Variants in ADCY1 observed in about 807,000 individuals in gnomAD.
ADCY1 encodes the protein adenylate cyclase 1, also known as adenylate cyclase type 1.
ADCY1 carries 28 observed loss-of-function variants against 105.4 expected under a neutral mutation model. That is an observed-to-expected ratio of 0.27 (90% CI 0.20 to 0.36). The LOEUF (loss-of-function observed/expected upper bound fraction) is 0.36, where lower values mean the gene tolerates loss of function less well. Among genes scored for constraint, ADCY1 ranks in the 10% least tolerant of loss-of-function variants. The pLI, the probability that ADCY1 is intolerant of heterozygous loss-of-function variation, is 1.00. For missense variants in ADCY1, 977 were observed against 1,434.2 expected, an observed-to-expected ratio of 0.68 and a Z score of 5.15; for synonymous variants, 655 against 623.8, an observed-to-expected ratio of 1.05 and a Z score of -0.75.
intron 6 of ADCY1, among the ~76,000 whole-genome samples, chr7:45,658,133 G>A (rs986511915): frequency 6.6e-6 from 1 of 152,218 alleles, no homozygotes; most frequent in Non-Finnish European, 1.5e-5. Context: ...GCTGTCATTG[G>A]ACCAGAAGGC....
At chr7:45,655,595 G>A (rs929036106) in intron 5 of ADCY1, among the ~76,000 whole-genome samples, 3 of 152,186 alleles carry the variant, frequency 2.0e-5, no homozygotes, top group Non-Finnish European at 4.4e-5. Flanking sequence ...TTCAGTTAAC[G>A]GCAGATCTGA....
At chr7:45,640,712 G>A (rs1050254395) in intron 4 of ADCY1, among the ~76,000 whole-genome samples, 9 of 152,138 alleles carry the variant, frequency 5.9e-5, no homozygotes, top group African/African-American at 2.2e-4. Flanking sequence ...AGGGACATAT[G>A]TTAAGATGTT....
At position 45,688,184 on chromosome 7, in the gene ADCY1, C is replaced by T. The variant is rs151042698; in HGVS notation, c.2454+1511C>T. Among the ~76,000 whole-genome samples, 248 of 152,360 alleles carry T rather than the reference C, an allele frequency of 1.6e-3. 1 individual carries two copies. Among genetic ancestry groups the T allele is most frequent in the African/African-American group, 5.4e-3 (224 of 41,590 alleles). On this transcript the variant is annotated intron_variant, in intron 14 of 19. Coordinates refer to ENST00000297323, the MANE Select transcript of ADCY1 (RefSeq NM_021116.4). Reference sequence around the variant, plus strand: ...TGGTCCTCGTCCTGAATTCCAGCAACTCCATGTAGGGTCTGCATGACTTCA... The same window carrying T: ...TGGTCCTCGTCCTGAATTCCAGCAATTCCATGTAGGGTCTGCATGACTTCA...
At chr7:45,643,000 T>C (rs1285293239) in intron 4 of ADCY1, among the ~76,000 whole-genome samples, 1 of 152,224 alleles carries the variant, frequency 6.6e-6, no homozygotes, top group African/African-American at 2.4e-5. Flanking sequence ...TATGAAGTCA[T>C]GGATTTTTAA....
intron 2 of ADCY1, among the ~76,000 whole-genome samples, chr7:45,607,348 C>T (rs565590267): frequency 6.6e-6 from 1 of 152,268 alleles, no homozygotes; most frequent in South Asian, 2.1e-4. Context: ...CCTTCATCCT[C>T]CTAAACCAAG....
intron 4 of ADCY1, among the ~76,000 whole-genome samples, chr7:45,638,228 A>G (rs1479318171): frequency 1.3e-5 from 2 of 152,180 alleles, no homozygotes; most frequent in African/African-American, 4.8e-5. Context: ...CACATGTATT[A>G]GGGAGTTCCA....
intron 5 of ADCY1, 117 bp downstream of exon 5, chr7:45,648,914 G>T: frequency 7.8e-7 from 1 of 1,287,160 alleles, no homozygotes; most frequent in Non-Finnish European, 1.1e-6. Flanking sequence ...GCTTTGTCCT[G>T]ATGGGTCTGT....
rs578029702 is a variant in ADCY1 at position 45,648,293 on chromosome 7, G to A, written c.1021-377G>A. ...GGCTGTCCGTGATGGTCTGCATGGC[G>A]GTTAAGGGAGGTGCCGTGGGAATAA... is the stretch of plus-strand genomic sequence containing the variant. On this transcript the variant is annotated intron_variant, in intron 4 of 19. Transcript: ENST00000297323. Among the ~76,000 whole-genome samples the A allele has an allele frequency of 9.8e-5, 15 of 152,348 alleles. No individual in the cohort carries two copies. The East Asian group carries it at 1.3e-3, about 14-fold the overall frequency.
chr7:45,674,615 A>G (rs1024207396), intron 8 of ADCY1, among the ~76,000 whole-genome samples: 3 of 151,882 alleles, frequency 2.0e-5, no homozygotes, highest in Admixed American at 2.0e-4. Context: ...TTCGTGATCC[A>G]CCCCACTTGG....
chr7:45,637,271 T>C (rs966476819), intron 4 of ADCY1, among the ~76,000 whole-genome samples: 26 of 152,246 alleles, frequency 1.7e-4, no homozygotes, highest in Non-Finnish European at 2.9e-5. Context: ...CTTTTTCTAG[T>C]GTTATAAACT....
intron 4 of ADCY1, among the ~76,000 whole-genome samples, chr7:45,627,782 T>A (rs564837384): frequency 6.6e-6 from 1 of 152,274 alleles, no homozygotes; most frequent in African/African-American, 2.4e-5. Flanking sequence ...CTGTGCATGA[T>A]GGCTCTGAAG....
chr7:45,578,174 CTA>C (rs1485442067), intron 1 of ADCY1, among the ~76,000 whole-genome samples: 3 of 152,170 alleles, frequency 2.0e-5, no homozygotes, highest in African/African-American at 7.2e-5. Context: ...GTGTGCATGA[CTA>C]TTAGCACAGG....
chr7:45,635,601 G>GT (rs71030884), intron 4 of ADCY1, among the ~76,000 whole-genome samples: 1,803 of 57,254 alleles, frequency 0.031, 295 homozygotes, highest in Non-Finnish European at 0.046. Flanking sequence ...AATTTCTCTT[G>GT]TTTTTTTTTT....
chr7:45,696,168 G>A (rs571119838), intron 14 of ADCY1, among the ~76,000 whole-genome samples: 1 of 152,264 alleles, frequency 6.6e-6, no homozygotes, highest in Admixed American at 6.5e-5. Context: ...GCCGGGCGCC[G>A]TGGCTCATGC....
intron 8 of ADCY1, among the ~76,000 whole-genome samples, chr7:45,664,843 A>G (rs1485289706): frequency 6.6e-6 from 1 of 152,174 alleles, no homozygotes; most frequent in African/African-American, 2.4e-5. Flanking sequence ...TACATGTTCC[A>G]TGGTGGTTTG....
rs577954697 is a variant in ADCY1 at position 45,668,189 on chromosome 7, G to A, written c.1605+5975G>A. ...TGTTGAATAGGAGTGGTGAGAGAGG[G>A]CATCCCTGTCTTGTGCCAGTTTTCA... On this transcript the variant is annotated intron_variant, in intron 8 of 19. Coordinates refer to ENST00000297323, the MANE Select transcript of ADCY1 (RefSeq NM_021116.4). Among the ~76,000 whole-genome samples the A allele has an allele frequency of 4.1e-3, 623 of 152,306 alleles. 4 individuals are homozygous for A. The highest frequency in any genetic ancestry group is 0.011 in the African/African-American group (451 of 41,566).
intron 4 of ADCY1, among the ~76,000 whole-genome samples, chr7:45,628,600 T>C (rs1166228310): frequency 6.6e-6 from 1 of 152,102 alleles, no homozygotes; most frequent in Non-Finnish European, 1.5e-5. Context: ...ATGGGCTGTG[T>C]TTTGGTGTCT....
intron 14 of ADCY1, among the ~76,000 whole-genome samples, chr7:45,699,438 G>C (rs1015932447): frequency 6.6e-6 from 1 of 152,186 alleles, no homozygotes; most frequent in Non-Finnish European, 1.5e-5. Context: ...ACTGCTCAAG[G>C]AGATTAGGTA....
intron 3 of ADCY1, among the ~76,000 whole-genome samples, chr7:45,621,695 G>C (rs1446560998): frequency 6.6e-6 from 1 of 152,162 alleles, no homozygotes; most frequent in East Asian, 1.9e-4. Flanking sequence ...GATACACTGT[G>C]TTGTGAACAA....
Sources: allele counts gnomAD v4.1 joint callset (sites outside exome capture counted in the v4.1 genomes callset), GRCh38; gene constraint gnomAD v4.1.1; transcripts MANE v1.5; gene names NCBI Gene and HGNC (gene_info 2026-07-23, HGNC 2026-07-21).